Variants in GALM observed in about 807,000 individuals in gnomAD.
The protein encoded by GALM is aldose 1-epimerase.
GALM carries 43 observed loss-of-function variants against 37.4 expected under a neutral mutation model. The observed-to-expected ratio is 1.15, with a 90% confidence interval of 0.90 to 1.48. GALM has a LOEUF of 1.48. Among genes scored for constraint, GALM ranks in the 40% most tolerant of loss-of-function variants. The pLI, the probability that GALM is intolerant of heterozygous loss-of-function variation, is 0.00. For synonymous variants in GALM, 199 were observed against 170.6 expected, an observed-to-expected ratio of 1.17 and a Z score of -1.30; for missense variants, 456 against 419.1, an observed-to-expected ratio of 1.09 and a Z score of -0.77.
chr2:38,719,362 C>T (rs953113901), intron 4 of GALM, among the ~76,000 whole-genome samples: 10 of 150,642 alleles, frequency 6.6e-5, no homozygotes, highest in Admixed American at 1.3e-4. Flanking sequence ...CCCAGCTACT[C>T]GGGAGGCTGA....
At chr2:38,698,881 G>A (rs2148441562) in intron 4 of GALM, among the ~76,000 whole-genome samples, 1 of 152,288 alleles carries the variant, frequency 6.6e-6, no homozygotes, top group Non-Finnish European at 1.5e-5. Flanking sequence ...AAAGTGCTGG[G>A]ATTACAGGCA....
At chr2:38,730,283 G>C (rs1371290597) in intron 5 of GALM, among the ~76,000 whole-genome samples, 1 of 152,172 alleles carries the variant, frequency 6.6e-6, no homozygotes, top group Non-Finnish European at 1.5e-5. Context: ...GTGTGCGTGT[G>C]TGTGACGGAG....
intron 1 of GALM, among the ~76,000 whole-genome samples, 187 bp from the exon 2 acceptor site, chr2:38,675,725 C>A (rs373374172): frequency 6.6e-6 from 1 of 151,160 alleles, no homozygotes; most frequent in Non-Finnish European, 1.5e-5. Context: ...CCGGCCACCA[C>A]GCCCAGCTAA....
intron 3 of GALM, among the ~76,000 whole-genome samples, chr2:38,686,541 A>G (rs1401907571): frequency 3.3e-5 from 5 of 151,804 alleles, no homozygotes; most frequent in Admixed American, 6.6e-5. Context: ...TGGGATTACA[A>G]GCATGAGCCA....
chr2:38,707,810 A>G (rs1362895757), intron 4 of GALM, among the ~76,000 whole-genome samples: 1 of 152,010 alleles, frequency 6.6e-6, no homozygotes, highest in Admixed American at 6.6e-5. Flanking sequence ...TCTACAAAAA[A>G]AATATAAAAA....
intron 1 of GALM, among the ~76,000 whole-genome samples, chr2:38,670,542 G>A (rs1378010152): frequency 1.3e-5 from 2 of 152,060 alleles, no homozygotes; most frequent in African/African-American, 4.8e-5. Flanking sequence ...TGCGACCCCG[G>A]GCAATTTACT....
chr2:38,712,985 T>C (rs1390326421), intron 4 of GALM, among the ~76,000 whole-genome samples: 1 of 152,196 alleles, frequency 6.6e-6, no homozygotes, highest in African/African-American at 2.4e-5. Context: ...GGGTGATTAA[T>C]GTAACCTAGC....
chr2:38,703,068 ATATATATATATATATATATATATATTT>A (rs1456126194), intron 4 of GALM, among the ~76,000 whole-genome samples: 3 of 3,522 alleles, frequency 8.5e-4, no homozygotes, highest in East Asian at 0.012. Context: ...ATATATATAT[ATATATATATATATATATATATATATTT>A]TTTTTTTTTT....
At position 38,676,652 on chromosome 2, in the gene GALM, A is replaced by G. The variant is rs188733008; in HGVS notation, c.345+586A>G. Among the ~76,000 whole-genome samples the G allele has an allele frequency of 1.4e-4, 22 of 152,228 alleles. No individual in the cohort carries two copies. In the East Asian group the frequency reaches 3.9e-3, roughly 27 times the overall value. ...GTGGCGGCCACCTGTAATCCCAGCT[A>G]CTCTGGAGGCTGAGGCAAGAGAATC... On this transcript the variant is annotated intron_variant, in intron 2 of 6. Coordinates refer to ENST00000272252, the MANE Select transcript of GALM (RefSeq NM_138801.3).
At chr2:38,686,328 C>T (rs1407532384) in intron 3 of GALM, among the ~76,000 whole-genome samples, 2 of 146,632 alleles carry the variant, frequency 1.4e-5, no homozygotes, top group African/African-American at 2.5e-5. Flanking sequence ...TGCAGTGGCG[C>T]GATCTTGGCT....
intron 4 of GALM, among the ~76,000 whole-genome samples, chr2:38,690,387 T>C (rs2148436199): frequency 6.6e-6 from 1 of 152,218 alleles, no homozygotes; most frequent in East Asian, 1.9e-4. Flanking sequence ...CTTTACTGGA[T>C]ACTCATCTTA....
At position 38,715,034 on chromosome 2, in the gene GALM, G is replaced by C. The variant is rs1328193046; in HGVS notation, c.635-14522G>C. On this transcript the variant is annotated intron_variant, in intron 4 of 6. Transcript: ENST00000272252. ...AATAATATTTGCTTTATATATCTGA[G>C]TTCTTCAGGGTTGGGTGAATACATA... is the stretch of plus-strand genomic sequence containing the variant. 3.3e-5 allele frequency among the ~76,000 whole-genome samples: 5 copies of C among 152,098 alleles called. No individual in the cohort carries two copies. The South Asian group carries it at 8.3e-4, about 25-fold the overall frequency.
chr2:38,699,107 T>C (rs1364506565), intron 4 of GALM, among the ~76,000 whole-genome samples: 1 of 151,720 alleles, frequency 6.6e-6, no homozygotes, highest in African/African-American at 2.4e-5. Flanking sequence ...AGAGACGGGG[T>C]TTCACCATGT....
chr2:38,709,138 G>C (rs1228671199), intron 4 of GALM, among the ~76,000 whole-genome samples: 1 of 149,756 alleles, frequency 6.7e-6, no homozygotes. Context: ...AGGCAGTGAG[G>C]GTTGTGGGGG....
At chr2:38,687,750 G>T (rs530847406) in intron 3 of GALM, among the ~76,000 whole-genome samples, 12 of 151,524 alleles carry the variant, frequency 7.9e-5, no homozygotes, top group African/African-American at 2.7e-4. Context: ...TTCAGAAAAA[G>T]AGCCTACTAG....
chr2:38,694,918 A>AG (rs1665769368), intron 4 of GALM, among the ~76,000 whole-genome samples: 3 of 151,194 alleles, frequency 2.0e-5, no homozygotes, highest in Admixed American at 1.3e-4. Flanking sequence ...AAAAACAAAA[A>AG]AAGAAAGGGA....
intron 4 of GALM, among the ~76,000 whole-genome samples, chr2:38,703,808 T>C (rs1220414206): frequency 6.6e-6 from 1 of 151,830 alleles, no homozygotes; most frequent in Non-Finnish European, 1.5e-5. Context: ...AGATCAGGAG[T>C]TCGAGACCAG....
In GALM at chr2:38,666,714, G is replaced by C. The variant is rs183993009; in HGVS notation, c.190+363G>C. Among the ~76,000 whole-genome samples the C allele has an allele frequency of 1.0e-3, 156 of 152,312 alleles. No individual in the cohort carries two copies. In the Middle Eastern group the frequency reaches 0.014, roughly 13 times the overall value. On this transcript the variant is annotated intron_variant, in intron 1 of 6. Transcript: ENST00000272252. ...CTGGAGAGGAAAGAGCAGGCAAGAG[G>C]GGGTGTGGCTCCCACTTCTTCCCTT...
chr2:38,666,217 T>C lies in GALM; in HGVS notation c.56T>C (p.Val19Ala). The change falls in exon 1 of 7, where the codon GTG (valine) becomes GCG (alanine). Residue 19 changes from valine to alanine, a missense_variant. Val to Ala is a moderately conservative substitution (Grantham distance 64). Coordinates refer to ENST00000272252, the MANE Select transcript of GALM (RefSeq NM_138801.3). ...FGELPSGGGT[V>A]EKFQLQSDLL... is the part of the protein sequence containing the mutation. ...GAGCTGCCCTCGGGAGGAGGGACAG[T>C]GGAGAAGTTCCAGCTGCAGTCAGAC... 1 of 1,613,980 alleles carries C rather than the reference T, an allele frequency of 6.2e-7. No homozygotes were observed. Among genetic ancestry groups the C allele is most frequent in the East Asian group, 2.2e-5 (1 of 44,856 alleles).
Sources: gnomAD v4.1 joint callset for allele counts (sites outside exome capture counted in the v4.1 genomes callset) on GRCh38, gnomAD v4.1.1 for gene constraint, MANE v1.5 for transcripts, NCBI Gene and HGNC (gene_info 2026-07-23, HGNC 2026-07-21) for gene names.